The following IFNAR2 variants were observed in gnomAD, a reference collection of about 807,000 sequenced individuals.
The protein encoded by IFNAR2 is interferon alpha/beta receptor 2.
A neutral mutation model predicts 49.4 loss-of-function variants in IFNAR2; 30 were observed. The ratio of observed to expected loss-of-function variants is 0.61; its 90% CI spans 0.45 to 0.82. The LOEUF is 0.82. Ranked by LOEUF, IFNAR2 falls within the 40% of genes least tolerant of loss-of-function variation. IFNAR2 has a pLI of 0.00. For synonymous variants in IFNAR2, 224 were observed against 234.5 expected, an observed-to-expected ratio of 0.96 and a Z score of 0.41; for missense variants, 600 against 622.7, an observed-to-expected ratio of 0.96 and a Z score of 0.39.
intron 1 of IFNAR2, chr21:33,234,936 T>C (rs1272498068): frequency 6.4e-6 from 1 of 155,792 alleles, no homozygotes; most frequent in African/African-American, 2.4e-5. Context: ...TTATGGTTAT[T>C]TCTTGATCAT....
intron 5 of IFNAR2, among the ~76,000 whole-genome samples, chr21:33,247,250 C>CTTTTTT (rs1476408945): frequency 1.2e-5 from 1 of 83,792 alleles, no homozygotes; most frequent in South Asian, 3.7e-4. Flanking sequence ...TTCTTTCTTT[C>CTTTTTT]TTTCTTTTTT....
intron 7 of IFNAR2, among the ~76,000 whole-genome samples, chr21:33,256,657 A>G (rs1419703350): frequency 3.9e-5 from 6 of 152,228 alleles, no homozygotes; most frequent in Non-Finnish European, 1.5e-5. Flanking sequence ...TTTTATTAAT[A>G]TTAAGGCCCT....
At chr21:33,246,215 C>T (rs1179048253) in intron 4 of IFNAR2, among the ~76,000 whole-genome samples, 2 of 152,044 alleles carry the variant, frequency 1.3e-5, no homozygotes, top group African/African-American at 4.8e-5. Context: ...GGACTACAGG[C>T]GCCCGCCACC....
rs1281568701 is a variant in IFNAR2 at position 33,265,288 on chromosome 21, A to G, written c.*1788A>G. The G allele has an allele frequency of 1.3e-5, 2 of 152,032 alleles. No homozygotes were observed. The highest frequency in any genetic ancestry group is 1.3e-4 in the Admixed American group (2 of 15,264). The allele number at this position is 152,032 out of a possible 1,614,324, so 9.4% of individuals were successfully genotyped here. ...AAAGGCACAGGACCTCTTACCCCTCACCCCTGCCCCCCTCAAGAGCTGGTT... is the reference window on the plus strand; with the variant it reads ...AAAGGCACAGGACCTCTTACCCCTCGCCCCTGCCCCCCTCAAGAGCTGGTT... On this transcript the variant is annotated 3_prime_UTR_variant, in exon 9 of 9. Coordinates refer to ENST00000342136, the MANE Select transcript of IFNAR2 (RefSeq NM_001289125.3).
intron 2 of IFNAR2, 158 bp from the exon 3 acceptor site, chr21:33,243,515 T>C (rs1476347023): frequency 6.3e-6 from 1 of 159,738 alleles, no homozygotes; most frequent in Non-Finnish European, 1.3e-5. Context: ...GGCACCAATG[T>C]AGAGTAAAAA....
At chr21:33,234,377 G>A (rs1221064393) in intron 1 of IFNAR2, among the ~76,000 whole-genome samples, 1 of 152,130 alleles carries the variant, frequency 6.6e-6, no homozygotes, top group Non-Finnish European at 1.5e-5. Flanking sequence ...TAGGAATAAG[G>A]ATGAGTGTTA....
At chr21:33,251,442 G>A (rs1306328787) in intron 6 of IFNAR2, 4 of 460,988 alleles carry the variant, frequency 8.7e-6, no homozygotes, top group East Asian at 1.5e-4. Context: ...AAGAAAGAGT[G>A]GGAGGAGAAA....
rs139343424 is a variant in IFNAR2, at chr21:33,237,465, G to A, written c.-83-4375G>A. ...TGGGAGAATCGCTTGAGCCCAGGAG[G>A]CAGAGGTTGCAGTGAGCCGAGATCA... is the stretch of plus-strand genomic sequence containing the variant. On this transcript the variant is annotated intron_variant, in intron 1 of 8. Coordinates refer to ENST00000342136, the MANE Select transcript of IFNAR2 (RefSeq NM_001289125.3). 4.8e-3 allele frequency among the ~76,000 whole-genome samples: 732 copies of A among 151,794 alleles called. 5 individuals are homozygous for A. Among genetic ancestry groups the A allele is most frequent in the African/African-American group, 0.017 (688 of 41,366 alleles).
Position 33,230,072 on chromosome 21 carries a change from G to A in IFNAR2, c.-228G>A, listed in dbSNP as rs1179211933. On this transcript the variant is annotated 5_prime_UTR_variant, in exon 1 of 9. Coordinates refer to ENST00000342136, the MANE Select transcript of IFNAR2 (RefSeq NM_001289125.3). The surrounding 1 kb of genome is among the most constrained non-coding windows in gnomAD (Gnocchi z 5.5). ...CGCGGACCACCACCCGGCCGCACGGGCCGCTTTTGTCCCCCGCCCGCCGCT... is the reference window on the plus strand; with the variant it reads ...CGCGGACCACCACCCGGCCGCACGGACCGCTTTTGTCCCCCGCCCGCCGCT... The A allele has an allele frequency of 1.0e-6, 1 of 987,292 alleles. No individual in the cohort carries two copies. Among genetic ancestry groups the A allele is most frequent in the Non-Finnish European group, 1.2e-6 (1 of 830,780 alleles). 61.2% of individuals were successfully genotyped at this position (987,292 alleles called of 1,614,324 possible).
Position 33,258,165 on chromosome 21 carries a change from C to A in IFNAR2, c.710-2432C>A, listed in dbSNP as rs373903482. On this transcript the variant is annotated intron_variant, in intron 7 of 8. Coordinates refer to ENST00000342136, the MANE Select transcript of IFNAR2 (RefSeq NM_001289125.3). ...ACTAAAAATACAAAAATTAGCCAGG[C>A]GTGGTGGCATGCGTCTGGAGTCCCA... Among the ~76,000 whole-genome samples, 157 of 152,166 alleles carry A rather than the reference C, an allele frequency of 1.0e-3. 3 individuals carry two copies. In the South Asian group the frequency reaches 0.031, roughly 30 times the overall value.
intron 1 of IFNAR2, among the ~76,000 whole-genome samples, chr21:33,231,004 CAT>C (rs1491090342): frequency 1.4e-5 from 2 of 140,628 alleles, no homozygotes; most frequent in African/African-American, 5.5e-5. Context: ...TTTCTTTTAA[CAT>C]TTTTTTTTTT....
At chr21:33,254,608 G>A (rs555160792) in intron 7 of IFNAR2, among the ~76,000 whole-genome samples, 30 of 152,286 alleles carry the variant, frequency 2.0e-4, no homozygotes, top group African/African-American at 6.7e-4. Flanking sequence ...CTTCATCTGC[G>A]TAATAGGAAC....
At chr21:33,248,277 C>G (rs962004948) in intron 5 of IFNAR2, among the ~76,000 whole-genome samples, 1 of 150,198 alleles carries the variant, frequency 6.7e-6, no homozygotes, top group African/African-American at 2.5e-5. Flanking sequence ...GAGGCCTAGA[C>G]CAGTGTATCA....
chr21:33,229,974 C>T lies in IFNAR2; in HGVS notation c.-326C>T, dbSNP rs1426844524. ...CGTAGGCCGGGGCTCGGCGCGCGCA[C>T]CCGCACTAAAGACGCTTCTTCCCGG... On this transcript the variant is annotated 5_prime_UTR_variant, in exon 1 of 9. Coordinates refer to ENST00000342136, the MANE Select transcript of IFNAR2 (RefSeq NM_001289125.3). 3 of 984,296 alleles carry T rather than the reference C, an allele frequency of 3.0e-6. No homozygotes were observed. The highest frequency in any genetic ancestry group is 6.2e-5 in the Admixed American group (1 of 16,172). The allele number at this position is 984,296 out of a possible 1,614,324, so 61.0% of individuals were successfully genotyped here. A position where few individuals can be genotyped will look rare whatever the true frequency, so the allele number is the denominator to read the frequency against.
intron 8 of IFNAR2, among the ~76,000 whole-genome samples, chr21:33,262,318 C>T (rs893431996): frequency 7.4e-5 from 11 of 147,790 alleles, no homozygotes; most frequent in South Asian, 6.4e-4. Flanking sequence ...GAGCCAAGAC[C>T]GCACTACTGC....
chr21:33,245,270 T>C (rs771029601), intron 4 of IFNAR2, among the ~76,000 whole-genome samples, 196 bp downstream of exon 4: 27 of 152,230 alleles, frequency 1.8e-4, no homozygotes, highest in Non-Finnish European at 2.6e-4. Context: ...TTCAGTTGAA[T>C]ACTTTAATAA....
Position 33,243,668 on chromosome 21 carries a change from T to C in IFNAR2, c.56-5T>C, listed in dbSNP as rs1344860435. 1.9e-6 allele frequency: 3 copies of C among 1,612,276 alleles called. No homozygotes were observed. In the African/African-American group the frequency reaches 4.0e-5, roughly 22 times the overall value. ...TGCCTCTCTAATGTGTTTTCTTCCT[T>C]CTAGTGTATATCAGCCTCGTGTTTG... On this transcript the variant is annotated splice_region_variant and splice_polypyrimidine_tract_variant and intron_variant, in intron 2 of 8. Transcript: ENST00000342136.
chr21:33,260,452 C>T, intron 7 of IFNAR2, 145 bp from the exon 8 acceptor site: 1 of 636,616 alleles, frequency 1.6e-6, no homozygotes, highest in Non-Finnish European at 2.6e-6. Flanking sequence ...ATTCTCCAGT[C>T]TCTGGTATTT....
At chr21:33,254,834 G>T (rs1313600080) in intron 7 of IFNAR2, among the ~76,000 whole-genome samples, 1 of 152,130 alleles carries the variant, frequency 6.6e-6, no homozygotes, top group Non-Finnish European at 1.5e-5. Flanking sequence ...CCTGACCAAG[G>T]GTTCTCGGGA....
Sources: gnomAD v4.1 joint callset for allele counts (sites outside exome capture counted in the v4.1 genomes callset) on GRCh38, gnomAD v4.1.1 for gene constraint, Gnocchi (gnomAD v3.1) non-coding constraint, MANE v1.5 for transcripts, NCBI Gene and HGNC (gene_info 2026-07-23, HGNC 2026-07-21) for gene names.